RAB33B: variants seen among roughly 807,000 people sequenced by gnomAD.
The protein encoded by RAB33B is ras-related protein Rab-33B.
A neutral mutation model predicts 15.0 loss-of-function variants in RAB33B; 6 were observed. The ratio of observed to expected loss-of-function variants is 0.40; its 90% CI spans 0.22 to 0.79. The LOEUF (loss-of-function observed/expected upper bound fraction) is 0.79. Among genes scored for constraint, RAB33B ranks in the 30% least tolerant of loss-of-function variants. The pLI, the probability that RAB33B is intolerant of heterozygous loss-of-function variation, is 0.37. For missense variants in RAB33B, 257 were observed against 296.4 expected (o/e 0.87, Z 0.98); for synonymous variants, 117 against 108.3 (o/e 1.08, Z -0.50).
chr4:139,445,301 GTCATAATC>G, the RAB33B span, among the ~76,000 whole-genome samples: 13 of 152,318 alleles, frequency 8.5e-5, no homozygotes, highest in African/African-American at 3.1e-4. Context: ...CTCTGGCTGT[GTCATAATC>G]TTATTTGGAG....
chr4:139,446,347 C>T, the RAB33B span, among the ~76,000 whole-genome samples: 1 of 152,188 alleles, frequency 6.6e-6, no homozygotes, highest in South Asian at 2.1e-4. Flanking sequence ...CTTTCTAGGA[C>T]ATCCCTGAAG....
At position 139,472,666 on chromosome 4, in the gene RAB33B, CT is replaced by C; in HGVS notation, c.250-15del. 6.4e-7 allele frequency: 1 copy of C among 1,554,804 alleles called. No individual in the cohort carries two copies. The highest frequency in any genetic ancestry group is 8.7e-7 in the Non-Finnish European group (1 of 1,145,974). Reference sequence around the variant, plus strand: ...TTGGAATGGGATTTTCAGTTTTCCTCTTTTTCTTCCCATTTTTAGATCCAGC... The same window carrying C: ...TTGGAATGGGATTTTCAGTTTTCCTCTTTTCTTCCCATTTTTAGATCCAGC... On this transcript the variant is annotated intron_variant, in intron 1 of 1. Transcript: ENST00000305626.
upstream of RAB33B, chr4:139,454,042 A>G: frequency 1.2e-6 from 1 of 856,866 alleles, no homozygotes; most frequent in Non-Finnish European, 1.7e-6. Flanking sequence ...GCGGGGCGGG[A>G]AGGTGCGCAG....
intron 1 of RAB33B, among the ~76,000 whole-genome samples, chr4:139,457,646 T>G (rs189253435): frequency 6.6e-6 from 1 of 152,272 alleles, no homozygotes; most frequent in East Asian, 1.9e-4. Flanking sequence ...AAGAAGACAT[T>G]TTGATAAGCA....
intron 1 of RAB33B, 39 bp downstream of exon 1, chr4:139,454,483 A>C (rs1253788652): frequency 6.3e-7 from 1 of 1,591,074 alleles, no homozygotes; most frequent in Non-Finnish European, 8.5e-7. Context: ...ACAGGGTGAC[A>C]GGTGTCCCAA....
Position 139,474,702 on chromosome 4 carries a change from T to C in RAB33B, c.*1576T>C, listed in dbSNP as rs1750467023. 2 of 152,674 alleles carry C rather than the reference T, an allele frequency of 1.3e-5. No homozygotes were observed. Among genetic ancestry groups the C allele is most frequent in the South Asian group, 4.1e-4 (2 of 4,836 alleles). The allele number at this position is 152,674 out of a possible 1,614,324, so 9.5% of individuals were successfully genotyped here. A position where few individuals can be genotyped will look rare whatever the true frequency, so the allele number is the denominator to read the frequency against. On this transcript the variant is annotated 3_prime_UTR_variant, in exon 2 of 2. Transcript: ENST00000305626. ...TGGAAAGAATATTTCAAGAAGTTTT[T>C]TAACCTAAATACTTTTATTTTGAAT...
intron 1 of RAB33B, among the ~76,000 whole-genome samples, chr4:139,465,826 C>T (rs1750274298): frequency 6.6e-6 from 1 of 150,916 alleles, no homozygotes; most frequent in African/African-American, 2.4e-5. Context: ...ATCTCCTGGG[C>T]TTAAGCGATC....
At chr4:139,469,311 ATTCT>A (rs1285838004) in intron 1 of RAB33B, among the ~76,000 whole-genome samples, 1 of 152,016 alleles carries the variant, frequency 6.6e-6, no homozygotes, top group Non-Finnish European at 1.5e-5. Flanking sequence ...AAGCTTGCTT[ATTCT>A]TTCTTCTGCT....
Position 139,454,186 on chromosome 4 carries a change from G to A in RAB33B, c.-10G>A, listed in dbSNP as rs1215728838. The A allele has an allele frequency of 6.2e-7, 1 of 1,605,772 alleles. No individual in the cohort carries two copies. The highest frequency in any genetic ancestry group is 8.5e-7 in the Non-Finnish European group (1 of 1,174,984). On this transcript the variant is annotated 5_prime_UTR_variant, in exon 1 of 2. Coordinates refer to ENST00000305626, the MANE Select transcript of RAB33B (RefSeq NM_031296.3). ...CTTTCCTCCGCCTCAGTTTGGGGCGGGTCGGGGGAATGGCTGAGGAGATGG... is the reference window on the plus strand; with the variant it reads ...CTTTCCTCCGCCTCAGTTTGGGGCGAGTCGGGGGAATGGCTGAGGAGATGG...
the RAB33B span, among the ~76,000 whole-genome samples, chr4:139,447,909 T>C: frequency 6.6e-6 from 1 of 151,928 alleles, no homozygotes; most frequent in East Asian, 1.9e-4. Context: ...CCTCGTGATC[T>C]GCCCGCCTCG....
chr4:139,440,889 G>C, the RAB33B span, among the ~76,000 whole-genome samples: 3 of 152,190 alleles, frequency 2.0e-5, no homozygotes, highest in African/African-American at 7.2e-5. Flanking sequence ...AGGATTACAG[G>C]CATGAGCCAC....
chr4:139,454,128 C>G lies in RAB33B; in HGVS notation c.-68C>G, dbSNP rs1750011818. ...CTGGCCGGCTGGGCGCGCGCTCTTG[C>G]GGTGGCGTAATCTCTCAGCCTTTCT... On this transcript the variant is annotated 5_prime_UTR_variant, in exon 1 of 2. Coordinates refer to ENST00000305626, the MANE Select transcript of RAB33B (RefSeq NM_031296.3). 5 of 1,515,202 alleles carry G rather than the reference C, an allele frequency of 3.3e-6. No individual in the cohort carries two copies. The highest frequency in any genetic ancestry group is 2.1e-5 in the Admixed American group (1 of 47,810). 93.9% of individuals were successfully genotyped at this position (1,515,202 alleles called of 1,614,324 possible). A position where few individuals can be genotyped will look rare whatever the true frequency, so the allele number is the denominator to read the frequency against.
chr4:139,472,165 T>G (rs1444873808), intron 1 of RAB33B, among the ~76,000 whole-genome samples: 3 of 152,226 alleles, frequency 2.0e-5, no homozygotes, highest in Admixed American at 1.3e-4. Context: ...TTGAGCATTT[T>G]TATTCATGAT....
rs758182997 is a variant in RAB33B, at chr4:139,473,114, G to T, written c.678G>T (p.Thr226=). The T allele has an allele frequency of 4.4e-6, 7 of 1,597,018 alleles. No homozygotes were observed. The highest frequency in any genetic ancestry group is 1.4e-5 in the African/African-American group (1 of 73,882). ...ILKPEPKPAM[T]CWC ...AGCCTGAACCAAAGCCTGCAATGAC[G>T]TGCTGGTGCTAAATAACAGTCTTTA... The change falls in exon 2 of 2, where the codon ACG becomes ACT. Residue 226 remains threonine (T), a synonymous_variant. Coordinates refer to ENST00000305626, the MANE Select transcript of RAB33B (RefSeq NM_031296.3).
intron 1 of RAB33B, 89 bp from the exon 2 acceptor site, chr4:139,472,597 T>C (rs916868290): frequency 1.0e-6 from 1 of 953,860 alleles, no homozygotes; most frequent in Non-Finnish European, 1.5e-6. Context: ...AGTGAAGAGA[T>C]AATAAAGACA....
intron 1 of RAB33B, among the ~76,000 whole-genome samples, chr4:139,465,664 G>A (rs182884012): frequency 5.4e-4 from 82 of 151,066 alleles, no homozygotes; most frequent in African/African-American, 1.6e-3. Flanking sequence ...GAGGAATGTT[G>A]TTTAGTCAGT....
chr4:139,444,231 G>A, the RAB33B span, among the ~76,000 whole-genome samples: 1 of 152,094 alleles, frequency 6.6e-6, no homozygotes. Flanking sequence ...GGTTCTAATA[G>A]TTTATTTGCT....
upstream of RAB33B, chr4:139,454,087 A>T: frequency 7.6e-7 from 1 of 1,319,810 alleles, no homozygotes; most frequent in Non-Finnish European, 1.0e-6. Context: ...GGCTCCTGGG[A>T]AGTTGCGCAG....
At chr4:139,451,137 G>C (rs1749911346), upstream of RAB33B, 1 of 151,738 alleles carries the variant, frequency 6.6e-6, no homozygotes, top group African/African-American at 2.4e-5. Flanking sequence ...TTGACCTCAT[G>C]ATCCACCCTC....
Sources: gnomAD v4.1 joint callset for allele counts (sites outside exome capture counted in the v4.1 genomes callset) on GRCh38, gnomAD v4.1.1 for gene constraint, MANE v1.5 for transcripts, NCBI Gene and HGNC (gene_info 2026-07-23, HGNC 2026-07-21) for gene names.